COL6A6: variants seen among roughly 807,000 people sequenced by gnomAD.
COL6A6 encodes the protein collagen type VI alpha 6 chain, also known as collagen alpha-6(VI) chain.
Under a neutral mutation model 208.6 loss-of-function variants are expected in COL6A6, and 183 were observed. The ratio of observed to expected loss-of-function variants is 0.88; its 90% CI spans 0.78 to 0.99. The LOEUF is 0.99. Ranked by LOEUF, COL6A6 falls within the 50% of genes least tolerant of loss-of-function variation. COL6A6 has a pLI of 0.00. For synonymous variants in COL6A6, 973 were observed against 1,011.8 expected (o/e 0.96, Z 0.73); for missense variants, 2,816 against 2,815.2 (o/e 1.00, Z -0.01).
chr3:130,517,147 G>A (rs1008709172), upstream of COL6A6, among the ~76,000 whole-genome samples: 3 of 152,180 alleles, frequency 2.0e-5, no homozygotes, highest in African/African-American at 7.2e-5. Context: ...GGGGAGAAGC[G>A]TTTATATGTC....
chr3:130,605,286 C>T (rs1309069234), intron 20 of COL6A6, among the ~76,000 whole-genome samples: 1 of 152,002 alleles, frequency 6.6e-6, no homozygotes, highest in East Asian at 1.9e-4. Context: ...TTTTTTATGG[C>T]ATTTGCAATA....
In COL6A6 at chr3:130,676,418, T is replaced by G. The variant is rs1019905568; in HGVS notation, c.*1021T>G. On this transcript the variant is annotated 3_prime_UTR_variant, in exon 37 of 37. Transcript: ENST00000358511. ...AGGAAAGGTTTTATAAAAGTATTGA[T>G]GGCTGTGTCCTCATCTGCATTTTTG... The G allele has an allele frequency of 6.6e-6, 1 of 152,218 alleles. No individual in the cohort carries two copies. Among genetic ancestry groups the G allele is most frequent in the Non-Finnish European group, 1.5e-5 (1 of 68,024 alleles). The allele number at this position is 152,218 out of a possible 1,614,324, so 9.4% of individuals were successfully genotyped here.
chr3:130,624,240 C>G (rs77093338), intron 24 of COL6A6, among the ~76,000 whole-genome samples: 4,612 of 151,938 alleles, frequency 0.03, 259 homozygotes, highest in African/African-American at 0.1. Flanking sequence ...GAGGAGAAAG[C>G]CAGGGAGAAA....
chr3:130,672,642 G>A (rs1352763128), intron 36 of COL6A6, among the ~76,000 whole-genome samples: 3 of 151,724 alleles, frequency 2.0e-5, no homozygotes, highest in Admixed American at 2.0e-4. Flanking sequence ...GACCTCAAGT[G>A]ATCCAACTGC....
chr3:130,626,810 C>T (rs753991580), intron 25 of COL6A6, among the ~76,000 whole-genome samples: 9 of 152,268 alleles, frequency 5.9e-5, no homozygotes, highest in East Asian at 1.9e-4. Flanking sequence ...TCAGCAATCC[C>T]GTAACCCTTT....
At chr3:130,600,891 GAA>G (rs760281180) in intron 20 of COL6A6, among the ~76,000 whole-genome samples, 2 of 149,688 alleles carry the variant, frequency 1.3e-5, no homozygotes, top group Admixed American at 6.6e-5. Context: ...TTTAAAACAG[GAA>G]AAAAAAAGGG....
intron 18 of COL6A6, among the ~76,000 whole-genome samples, chr3:130,597,336 G>T (rs1321353832): frequency 6.6e-6 from 1 of 152,180 alleles, no homozygotes; most frequent in African/African-American, 2.4e-5. Flanking sequence ...CTACATTTTA[G>T]TAATATCAGT....
intron 33 of COL6A6, among the ~76,000 whole-genome samples, chr3:130,655,436 A>G (rs2108433788): frequency 6.6e-6 from 1 of 152,282 alleles, no homozygotes; most frequent in South Asian, 2.1e-4. Context: ...AATCCTATTA[A>G]TTACAGGATC....
intron 1 of COL6A6, among the ~76,000 whole-genome samples, chr3:130,559,917 A>C (rs917763545): frequency 1.3e-5 from 2 of 152,244 alleles, no homozygotes; most frequent in Admixed American, 1.3e-4. Flanking sequence ...TCAAAGATAA[A>C]GTACACCTAC....
intron 23 of COL6A6, among the ~76,000 whole-genome samples, chr3:130,613,340 T>A (rs979838442): frequency 3.9e-5 from 6 of 152,186 alleles, no homozygotes; most frequent in African/African-American, 1.4e-4. Context: ...GTGGCTCTAT[T>A]TCTGGGCTCT....
intron 36 of COL6A6, among the ~76,000 whole-genome samples, chr3:130,669,433 A>T (rs2066156619): frequency 6.6e-6 from 1 of 151,606 alleles, no homozygotes. Flanking sequence ...TAATATTTTA[A>T]AAACCTATAC....
At chr3:130,622,929 G>A (rs1480106595) in intron 24 of COL6A6, among the ~76,000 whole-genome samples, 1 of 151,876 alleles carries the variant, frequency 6.6e-6, no homozygotes, top group Non-Finnish European at 1.5e-5. Flanking sequence ...AGGGAATGGG[G>A]GGACTGTAAT....
chr3:130,586,767 A>T, intron 11 of COL6A6, 107 bp downstream of exon 11: 2 of 1,141,104 alleles, frequency 1.8e-6, no homozygotes, highest in Non-Finnish European at 2.4e-6. Flanking sequence ...TTTGGGAGTG[A>T]AGAAAGGTTT....
At position 130,657,733 on chromosome 3, in the gene COL6A6, C is replaced by CA. The variant is rs571692025; in HGVS notation, c.5734-942dup. Among the ~76,000 whole-genome samples, 630 of 152,272 alleles carry CA rather than the reference C, an allele frequency of 4.1e-3. 1 individual carries two copies. Among genetic ancestry groups the CA allele is most frequent in the Non-Finnish European group, 5.6e-3 (382 of 68,028 alleles). On this transcript the variant is annotated intron_variant, in intron 33 of 36. Transcript: ENST00000358511. ...TAGTCCAGTCAGCTATGGTTGAAGA[C>CA]AGAGTTACGCCATATAAACAACTGA... is the stretch of plus-strand genomic sequence containing the variant.
chr3:130,548,419 T>C (rs1192975321), intron 1 of COL6A6, among the ~76,000 whole-genome samples: 1 of 152,074 alleles, frequency 6.6e-6, no homozygotes, highest in Non-Finnish European at 1.5e-5. Flanking sequence ...ATGGCTAGAG[T>C]GGGCTGGAGA....
At chr3:130,626,601 A>T in intron 25 of COL6A6, 54 bp downstream of exon 25, 4 of 1,221,062 alleles carry the variant, frequency 3.3e-6, no homozygotes, top group Non-Finnish European at 4.9e-6. Flanking sequence ...TTAGTTCAGT[A>T]GACATCTGGT....
At position 130,568,348 on chromosome 3, in the gene COL6A6, C is replaced by G. The variant is rs186411715; in HGVS notation, c.2145C>G (p.Thr715=). 2.5e-6 allele frequency: 4 copies of G among 1,614,000 alleles called. No individual in the cohort carries two copies. In the South Asian group the frequency reaches 4.4e-5, roughly 18 times the overall value. Residue 715 remains threonine, a synonymous_variant, in exon 6 of 37, where the codon ACC becomes ACG. Coordinates refer to ENST00000358511, the MANE Select transcript of COL6A6 (RefSeq NM_001102608.3). The part of the protein sequence containing the change: ...LSFVSQYFSP[T]KGARPNIRKF... The stretch of plus-strand genomic sequence containing the variant: ...TTGTGTCTCAGTACTTCAGCCCCAC[C>G]AAGGGCGCCCGGCCCAACATCAGAA...
In COL6A6 at chr3:130,581,841, C is replaced by T. The variant is rs756024696; in HGVS notation, c.3828C>T (p.Leu1276=). The part of the protein sequence containing the change: ...KDITVKGPSL[L]NANLLDSLWD... ...TAACAGTTAAAGGACCATCTCTTCT[C>T]AATGCAAACCTCTTGGATTCTCTAT... is the stretch of plus-strand genomic sequence containing the variant. The change falls in exon 9 of 37, where the codon CTC becomes CTT. Residue 1276 remains leucine (L), a synonymous_variant. Coordinates refer to ENST00000358511, the MANE Select transcript of COL6A6 (RefSeq NM_001102608.3). The T allele has an allele frequency of 3.1e-6, 5 of 1,613,326 alleles. No homozygotes were observed. The Admixed American group carries it at 6.7e-5, about 22-fold the overall frequency.
intron 12 of COL6A6, among the ~76,000 whole-genome samples, chr3:130,589,548 T>C (rs1252777898): frequency 2.0e-5 from 3 of 152,314 alleles, no homozygotes; most frequent in Non-Finnish European, 4.4e-5. Flanking sequence ...ATGGCAGAGT[T>C]ATTAAAATCA....
Sources: gnomAD v4.1 joint callset for allele counts (sites outside exome capture counted in the v4.1 genomes callset) on GRCh38, gnomAD v4.1.1 for gene constraint, MANE v1.5 for transcripts, NCBI Gene and HGNC (gene_info 2026-07-23, HGNC 2026-07-21) for gene names.